The following PROSER1 variants were observed in gnomAD, a reference collection of about 807,000 sequenced individuals.
PROSER1 encodes proline and serine-rich protein 1.
PROSER1 carries 36 observed loss-of-function variants against 71.8 expected under a neutral mutation model. That is an observed-to-expected ratio of 0.50 (90% confidence interval 0.38 to 0.66). The LOEUF is 0.66. Among genes scored for constraint, PROSER1 ranks in the 30% least tolerant of loss-of-function variants. PROSER1 has a pLI of 0.00. For synonymous variants in PROSER1, 490 were observed against 452.4 expected (o/e 1.08, Z -1.06); for missense variants, 1,107 against 1,135.0 (o/e 0.98, Z 0.35).
chr13:39,017,358 T>C (rs754889654), intron 10 of PROSER1, 142 bp downstream of exon 10: 1 of 642,228 alleles, frequency 1.6e-6, no homozygotes, highest in Non-Finnish European at 2.7e-6. Context: ...GTAAACCACT[T>C]TTAACAAGTA....
chr13:39,012,511 A>G (rs1317794773), intron 11 of PROSER1, 180 bp downstream of exon 11: 3 of 642,692 alleles, frequency 4.7e-6, no homozygotes, highest in Non-Finnish European at 8.1e-6. Flanking sequence ...TTGTATCAAC[A>G]GGCATTAATA....
Position 39,012,900 on chromosome 13 carries a change from TGAA to T in PROSER1, c.2349_2351del (p.Ser784del). The T allele has an allele frequency of 6.2e-7, 1 of 1,614,090 alleles. No homozygotes were observed. ...CAGAAAAGCCTGGATAGGAGGGATT[TGAA>T]GATGACAGAGGTCCTTGAGTAACAG... On this transcript the variant is annotated inframe_deletion, in exon 11 of 13. Coordinates refer to ENST00000352251, the MANE Select transcript of PROSER1 (RefSeq NM_025138.5).
Position 39,013,112 on chromosome 13 carries a change from A to G in PROSER1, c.2140T>C (p.Ser714Pro), listed in dbSNP as rs1317195984. The change falls in exon 11 of 13, where the codon TCT becomes CCT. Residue 714 changes from serine to proline, a missense_variant. Transcript: ENST00000352251. ...TNNFPLTGNP[S>P]LNPSVSLPGS... ...GGGAGAGATACTGACGGATTAAGAG[A>G]TGGGTTGCCAGTTAAAGGAAAATTG... The G allele has an allele frequency of 6.2e-7, 1 of 1,614,126 alleles. No individual in the cohort carries two copies. The highest frequency in any genetic ancestry group is 1.1e-5 in the South Asian group (1 of 91,076).
chr13:39,037,258 G>A lies in PROSER1; in HGVS notation c.-16C>T, dbSNP rs1376385306. 3.7e-6 allele frequency: 6 copies of A among 1,603,192 alleles called. No individual in the cohort carries two copies. The highest frequency in any genetic ancestry group is 3.3e-5 in the Admixed American group (2 of 60,002). On this transcript the variant is annotated 5_prime_UTR_variant, in exon 1 of 13. Transcript: ENST00000352251. ...TTTTATCCATCTTGACTACTATCCCGACGTGGTTTTAACAGTTATACTTGC... is the reference window on the plus strand; with the variant it reads ...TTTTATCCATCTTGACTACTATCCCAACGTGGTTTTAACAGTTATACTTGC...
chr13:39,032,861 T>C (rs1261873677), intron 2 of PROSER1, among the ~76,000 whole-genome samples: 1 of 151,862 alleles, frequency 6.6e-6, no homozygotes, highest in Admixed American at 6.6e-5. Flanking sequence ...GTACATCACA[T>C]ACACCCAAGA....
chr13:39,038,008 C>G lies in PROSER1; in HGVS notation c.-766G>C, dbSNP rs894298280. On this transcript the variant is annotated 5_prime_UTR_variant, in exon 1 of 13. Transcript: ENST00000352251. ...TGCCTGGTTACCCCTACAGCCCCCA[C>G]CAGCTCATGGGGACCTACAATAAAG... The G allele has an allele frequency of 3.9e-5, 6 of 152,800 alleles. No homozygotes were observed. Among genetic ancestry groups the G allele is most frequent in the African/African-American group, 1.4e-4 (6 of 41,456 alleles). The allele number at this position is 152,800 out of a possible 1,614,324, so 9.5% of individuals were successfully genotyped here. A position where few individuals can be genotyped will look rare whatever the true frequency, so the allele number is the denominator to read the frequency against.
intron 5 of PROSER1, among the ~76,000 whole-genome samples, 184 bp downstream of exon 5, chr13:39,028,043 C>T (rs1419710649): frequency 6.6e-6 from 1 of 152,176 alleles, no homozygotes; most frequent in East Asian, 1.9e-4. Flanking sequence ...ATCTCCTCCC[C>T]CTTGAATGTC....
intron 6 of PROSER1, among the ~76,000 whole-genome samples, chr13:39,025,968 T>C (rs1593536595): frequency 1.3e-5 from 2 of 152,180 alleles, no homozygotes; most frequent in East Asian, 1.9e-4. Context: ...CAAACACACT[T>C]CACTGAGTGA....
chr13:39,031,596 C>T lies in PROSER1; in HGVS notation c.147G>A (p.Glu49=), dbSNP rs1162158741. The T allele has an allele frequency of 1.9e-6, 3 of 1,613,204 alleles. No individual in the cohort carries two copies. Among genetic ancestry groups the T allele is most frequent in the Admixed American group, 3.3e-5 (2 of 59,760 alleles). Residue 49 remains glutamate (E), a synonymous_variant, in exon 3 of 13, where the codon GAG becomes GAA. Transcript: ENST00000352251. Reference sequence around the variant, plus strand: ...ATGCTTTCATTGCCTTCAACTGGGGCTCGGCCCAGGAAAAATATCTCAGCA... The same window carrying T: ...ATGCTTTCATTGCCTTCAACTGGGGTTCGGCCCAGGAAAAATATCTCAGCA... The part of the protein sequence containing the change: ...VDLLRYFSWA[E]PQLKAMKALQ...
In PROSER1 at chr13:39,011,203, T is replaced by G. The variant is rs1593522418; in HGVS notation, c.*162A>C. 1 of 709,814 alleles carries G rather than the reference T, an allele frequency of 1.4e-6. No individual in the cohort carries two copies. Among genetic ancestry groups the G allele is most frequent in the Admixed American group, 2.3e-5 (1 of 43,244 alleles). 44.0% of individuals were successfully genotyped at this position (709,814 alleles called of 1,614,324 possible). A position where few individuals can be genotyped will look rare whatever the true frequency, so the allele number is the denominator to read the frequency against. ...ATTTACATAGGGGAGTGTTCACACT[T>G]TAAAATGCAACCACAATTTTCAAAT... On this transcript the variant is annotated 3_prime_UTR_variant, in exon 13 of 13. Transcript: ENST00000352251.
Position 39,013,503 on chromosome 13 carries a change from A to G in PROSER1, c.1749T>C (p.Arg583=). 1 of 1,614,084 alleles carries G rather than the reference A, an allele frequency of 6.2e-7. No individual in the cohort carries two copies. Among genetic ancestry groups the G allele is most frequent in the African/African-American group, 1.3e-5 (1 of 75,040 alleles). Residue 583 remains arginine, a synonymous_variant, in exon 11 of 13, where the codon CGT becomes CGC. Coordinates refer to ENST00000352251, the MANE Select transcript of PROSER1 (RefSeq NM_025138.5). ...VSCGSSASLL[R]GPHPGTSDLH... is the part of the protein sequence containing the mutation. ...GATCTGAGGTACCTGGGTGGGGGCC[A>G]CGCAAAAGGGAGGCTGAGGAGCCAC...
Position 39,014,221 on chromosome 13 carries a change from G to T in PROSER1, c.1031C>A (p.Thr344Asn), listed in dbSNP as rs1190484747. ...PTVIRTPSLP[T>N]APVTSIHSTT... The stretch of plus-strand genomic sequence containing the variant: ...ACTGTGGATGGATGTAACAGGTGCA[G>T]TGGGCAATGAAGGGGTTCTGATAAC... Residue 344 changes from threonine to asparagine, a missense_variant, in exon 11 of 13, where the codon ACT becomes AAT. By Grantham distance (65) the Thr-to-Asn change is moderately conservative. Coordinates refer to ENST00000352251, the MANE Select transcript of PROSER1 (RefSeq NM_025138.5). 6.2e-7 allele frequency: 1 copy of T among 1,614,096 alleles called. No homozygotes were observed.
chr13:39,034,011 G>A lies in PROSER1; in HGVS notation c.111+120C>T, dbSNP rs114567620. The stretch of plus-strand genomic sequence containing the variant: ...TTTCTGCCAAAACTGAGAGCTTCTC[G>A]AGTTCTTGAATAAATACAGCAAAAA... On this transcript the variant is annotated intron_variant, in intron 2 of 12. Transcript: ENST00000352251. The A allele has an allele frequency of 4.9e-3, 3,120 of 633,494 alleles. 74 individuals are homozygous for A. In the African/African-American group the frequency reaches 0.055, roughly 11 times the overall value. 39.2% of individuals were successfully genotyped at this position (633,494 alleles called of 1,614,324 possible). A position where few individuals can be genotyped will look rare whatever the true frequency, so the allele number is the denominator to read the frequency against.
chr13:39,016,795 A>G (rs1422822229), intron 10 of PROSER1, among the ~76,000 whole-genome samples: 1 of 152,214 alleles, frequency 6.6e-6, no homozygotes, highest in East Asian at 1.9e-4. Flanking sequence ...CCAGCTGAGA[A>G]GCACCTGCTA....
intron 12 of PROSER1, 98 bp downstream of exon 12, chr13:39,011,985 G>T: frequency 2.4e-6 from 3 of 1,261,652 alleles, no homozygotes; most frequent in South Asian, 1.5e-5. Context: ...GCCATTTTTT[G>T]CCAATGTTGG....
intron 1 of PROSER1, among the ~76,000 whole-genome samples, 169 bp from the exon 2 acceptor site, chr13:39,034,365 A>C (rs947604551): frequency 3.9e-5 from 6 of 152,190 alleles, no homozygotes; most frequent in African/African-American, 1.4e-4. Context: ...CCTTCCTTCC[A>C]TCTTTCCAGG....
At chr13:39,026,223 C>T (rs975265604) in intron 6 of PROSER1, 54 bp downstream of exon 6, 46 of 1,109,618 alleles carry the variant, frequency 4.1e-5, no homozygotes, top group Non-Finnish European at 6.8e-6. Context: ...ACTTATTCTA[C>T]ACTTCATACT....
chr13:39,024,474 G>C lies in PROSER1; in HGVS notation c.563C>G (p.Pro188Arg), dbSNP rs778625450. ...IAARILGPSK[P>R]PPSTYNPHKP... is the part of the protein sequence containing the mutation. ...TGTTTCATCATTTTCTAAACATACT[G>C]GTTTGGATGGCCCAAGAATTCGTGC... The change falls in exon 7 of 13, where the codon CCA (proline) becomes CGA (arginine). Residue 188 changes from proline to arginine, a missense_variant and splice_region_variant. Coordinates refer to ENST00000352251, the MANE Select transcript of PROSER1 (RefSeq NM_025138.5). 6.2e-7 allele frequency: 1 copy of C among 1,604,134 alleles called. No individual in the cohort carries two copies. The highest frequency in any genetic ancestry group is 8.5e-7 in the Non-Finnish European group (1 of 1,172,942).
intron 4 of PROSER1, 98 bp downstream of exon 4, chr13:39,029,183 T>C: frequency 1.5e-6 from 1 of 654,486 alleles, no homozygotes; most frequent in Non-Finnish European, 2.6e-6. Flanking sequence ...TTTGACTGTA[T>C]TTTGTTAGAC....
Sources: gnomAD v4.1 joint callset for allele counts (sites outside exome capture counted in the v4.1 genomes callset) on GRCh38, gnomAD v4.1.1 for gene constraint, MANE v1.5 for transcripts, NCBI Gene and HGNC (gene_info 2026-07-23, HGNC 2026-07-21) for gene names.